Variants in MUC7 observed in about 807,000 individuals in gnomAD.
MUC7 encodes mucin 7, secreted.
MUC7 carries 2 observed loss-of-function variants against 2.5 expected under a neutral mutation model. The observed-to-expected ratio is 0.81, with a 90% CI of 0.33 to 2.55. The LOEUF is 2.55. Ranked by LOEUF, MUC7 falls within the 30% of genes most tolerant of loss-of-function variation. The pLI is 0.11. For synonymous variants in MUC7, 133 were observed against 173.4 expected (o/e 0.77, Z 1.83); for missense variants, 408 against 455.6 (o/e 0.90, Z 0.95).
At chr4:70,453,521 C>G (rs957575411) in intron 1 of MUC7, among the ~76,000 whole-genome samples, 2 of 152,218 alleles carry the variant, frequency 1.3e-5, no homozygotes, top group African/African-American at 4.8e-5. Context: ...CTTCAGGGCA[C>G]TGGGCTCCCT....
intron 2 of MUC7, among the ~76,000 whole-genome samples, chr4:70,476,242 G>A (rs1266644866): frequency 1.3e-5 from 2 of 152,182 alleles, no homozygotes; most frequent in Non-Finnish European, 2.9e-5. Flanking sequence ...GCACAGTGAT[G>A]TTAACTTTTT....
intron 1 of MUC7, among the ~76,000 whole-genome samples, chr4:70,460,260 C>A (rs1275267904): frequency 6.6e-6 from 1 of 151,996 alleles, no homozygotes; most frequent in Non-Finnish European, 1.5e-5. Context: ...TTGTGAGGTA[C>A]CAATCAATTA....
intron 1 of MUC7, among the ~76,000 whole-genome samples, chr4:70,452,489 G>A (rs1734303222): frequency 6.6e-6 from 1 of 151,446 alleles, no homozygotes; most frequent in African/African-American, 2.4e-5. Context: ...AGTTTAAACT[G>A]ATGACAACTT....
intron 2 of MUC7, among the ~76,000 whole-genome samples, chr4:70,479,398 T>C (rs1489780596): frequency 6.6e-6 from 1 of 152,178 alleles, no homozygotes; most frequent in Admixed American, 6.6e-5. Context: ...ACAACTCAGC[T>C]AGTCTCTCAG....
chr4:70,466,796 C>T (rs1047608978), intron 1 of MUC7, among the ~76,000 whole-genome samples: 10 of 152,170 alleles, frequency 6.6e-5, no homozygotes, highest in Admixed American at 5.9e-4. Flanking sequence ...TAGACTCCCA[C>T]ACAATAATAC....
At chr4:70,473,720 G>T (rs773338695) in intron 1 of MUC7, among the ~76,000 whole-genome samples, 2 of 152,122 alleles carry the variant, frequency 1.3e-5, no homozygotes, top group Non-Finnish European at 2.9e-5. Context: ...AACTTCCTAA[G>T]ATCCTGCCTT....
At position 70,481,103 on chromosome 4, in the gene MUC7, C is replaced by G; in HGVS notation, c.359C>G (p.Ser120Cys). 1 of 1,614,180 alleles carries G rather than the reference C, an allele frequency of 6.2e-7. No homozygotes were observed. The highest frequency in any genetic ancestry group is 8.5e-7 in the Non-Finnish European group (1 of 1,180,032). The change falls in exon 3 of 3, where the codon TCC (serine) becomes TGC (cysteine). Residue 120 changes from serine (S) to cysteine (C), a missense_variant. This residue lies in a region of MUC7 where 225 missense variants were observed against 240.5 expected (regional missense o/e 0.94). Transcript: ENST00000304887. The stretch of plus-strand genomic sequence containing the variant: ...CCATCTGTGACTTTCCCATCAGCTT[C>G]CACCAAAATTACTACCCTTCCAAAT... ...QIPSVTFPSASTKITTLPNVT... is the reference protein window; with the variant it reads ...QIPSVTFPSACTKITTLPNVT...
rs140845741 is a variant in MUC7 at position 70,458,290 on chromosome 4, A to C, written c.-92-13925A>C. On this transcript the variant is annotated intron_variant, in intron 1 of 3. Coordinates refer to the MUC7 transcript ENST00000413702. ...TACTTATTCATAATTTAAAAAAAGA[A>C]ACCCTCTTAGCAACTAGGAACAGGA... Among the ~76,000 whole-genome samples, 695 of 152,238 alleles carry C rather than the reference A, an allele frequency of 4.6e-3. 7 individuals are homozygous for C. The highest frequency in any genetic ancestry group is 0.016 in the African/African-American group (672 of 41,576).
intron 1 of MUC7, among the ~76,000 whole-genome samples, chr4:70,435,054 G>A (rs529835406): frequency 6.6e-6 from 1 of 152,270 alleles, no homozygotes; most frequent in South Asian, 2.1e-4. Flanking sequence ...TAGTTTGATT[G>A]CACTGTGGTC....
At position 70,481,832 on chromosome 4, in the gene MUC7, T is replaced by C. The variant is rs776439351; in HGVS notation, c.1088T>C (p.Met363Thr). The C allele has an allele frequency of 6.2e-7, 1 of 1,614,080 alleles. No homozygotes were observed. The highest frequency in any genetic ancestry group is 1.1e-5 in the South Asian group (1 of 91,084). ...AAAATTTCTCGATTTCTTTTATATA[T>C]GAAGAATCTACTAAACAGAATTATT... ...QNKISRFLLY[M>T]KNLLNRIIDD... is the part of the protein sequence containing the mutation. The change falls in exon 3 of 3, where the codon ATG becomes ACG. Residue 363 changes from methionine (M) to threonine (T), a missense_variant. Transcript: ENST00000304887.
chr4:70,441,617 T>C lies in MUC7; in HGVS notation c.-93+10930T>C, dbSNP rs146302362. Among the ~76,000 whole-genome samples the C allele has an allele frequency of 1.2e-4, 18 of 152,210 alleles. No individual in the cohort carries two copies. The East Asian group carries it at 3.5e-3, about 29-fold the overall frequency. ...CTTATATTTGCAAAGAAGTGTGAAA[T>C]ATAGAAAAGTTAAGATGCTTCTGAA... On this transcript the variant is annotated intron_variant, in intron 1 of 3. Transcript: ENST00000413702.
chr4:70,442,713 A>T (rs567926131), intron 1 of MUC7, among the ~76,000 whole-genome samples: 2 of 152,314 alleles, frequency 1.3e-5, no homozygotes, highest in Admixed American at 6.5e-5. Context: ...CAGATGAGGG[A>T]TCCCTTTTGC....
At chr4:70,431,512 C>A (rs1295875602) in intron 1 of MUC7, among the ~76,000 whole-genome samples, 1 of 151,976 alleles carries the variant, frequency 6.6e-6, no homozygotes, top group Non-Finnish European at 1.5e-5. Flanking sequence ...GATGAATATA[C>A]AACTATTCTA....
chr4:70,440,962 C>A (rs1238319269), intron 1 of MUC7, among the ~76,000 whole-genome samples: 2 of 152,024 alleles, frequency 1.3e-5, no homozygotes, highest in Non-Finnish European at 2.9e-5. Context: ...GAGGGGAGCT[C>A]ATGGAAGTTG....
At chr4:70,463,158 A>G (rs918859978) in intron 1 of MUC7, among the ~76,000 whole-genome samples, 2 of 145,096 alleles carry the variant, frequency 1.4e-5, no homozygotes, top group African/African-American at 2.6e-5. Flanking sequence ...ATGAAAGCCA[A>G]CTCACAACTT....
intron 2 of MUC7, among the ~76,000 whole-genome samples, chr4:70,477,367 G>A (rs1735033758): frequency 6.6e-6 from 1 of 152,106 alleles, no homozygotes; most frequent in Non-Finnish European, 1.5e-5. Flanking sequence ...CTGAGATCAT[G>A]CCACTGCACT....
chr4:70,453,932 CGTT>C (rs1173223739), intron 1 of MUC7, among the ~76,000 whole-genome samples: 11 of 152,102 alleles, frequency 7.2e-5, no homozygotes, highest in Non-Finnish European at 1.6e-4. Flanking sequence ...TGTCTAGAAA[CGTT>C]GTCCAGGAGG....
intron 1 of MUC7, among the ~76,000 whole-genome samples, chr4:70,449,698 T>C (rs1734233336): frequency 6.6e-6 from 1 of 152,194 alleles, no homozygotes; most frequent in Non-Finnish European, 1.5e-5. Context: ...TCCTGTGGGC[T>C]CATAGAGGTA....
At chr4:70,452,470 T>C (rs1474251939) in intron 1 of MUC7, among the ~76,000 whole-genome samples, 1 of 152,076 alleles carries the variant, frequency 6.6e-6, no homozygotes, top group Non-Finnish European at 1.5e-5. Flanking sequence ...TAATATCATA[T>C]AACCCATTAG....
Sources: gnomAD v4.1 joint callset for allele counts (sites outside exome capture counted in the v4.1 genomes callset) on GRCh38, gnomAD v4.1.1 for gene constraint, gnomAD v4.1.1 regional missense constraint, MANE v1.5 for transcripts, NCBI Gene and HGNC (gene_info 2026-07-23, HGNC 2026-07-21) for gene names.